WWP1: variants seen among roughly 807,000 people sequenced by gnomAD.
WWP1 encodes NEDD4-like E3 ubiquitin-protein ligase WWP1.
In WWP1, 49 loss-of-function variants were observed where a neutral mutation model predicts 130.6. The ratio of observed to expected loss-of-function variants is 0.38; its 90% CI spans 0.30 to 0.48. The LOEUF (loss-of-function observed/expected upper bound fraction) is 0.48, where lower values mean the gene tolerates loss of function less well. Among genes scored for constraint, WWP1 ranks in the 20% least tolerant of loss-of-function variants. The pLI is 0.99. For synonymous variants in WWP1, 332 were observed against 367.8 expected, an observed-to-expected ratio of 0.90 and a Z score of 1.11; for missense variants, 809 against 1,100.6, an observed-to-expected ratio of 0.74 and a Z score of 3.75.
At chr8:86,346,124 G>T (rs909949972) in intron 1 of WWP1, among the ~76,000 whole-genome samples, 1 of 152,196 alleles carries the variant, frequency 6.6e-6, no homozygotes, top group Non-Finnish European at 1.5e-5. Flanking sequence ...TTTCATCAGA[G>T]TATCTACTCT....
At chr8:86,456,397 T>G (rs939713976) in intron 21 of WWP1, among the ~76,000 whole-genome samples, 3 of 151,864 alleles carry the variant, frequency 2.0e-5, no homozygotes, top group African/African-American at 7.2e-5. Flanking sequence ...CTCACGTAAC[T>G]CAATAAAAAG....
chr8:86,347,578 A>T (rs565237426), intron 1 of WWP1, among the ~76,000 whole-genome samples: 1 of 152,224 alleles, frequency 6.6e-6, no homozygotes, highest in Admixed American at 6.5e-5. Context: ...TAAAATGGTA[A>T]TCTCACTGCA....
At chr8:86,454,418 C>A (rs1466426874) in intron 21 of WWP1, among the ~76,000 whole-genome samples, 1 of 151,928 alleles carries the variant, frequency 6.6e-6, no homozygotes, top group Non-Finnish European at 1.5e-5. Flanking sequence ...GGACTCTGAA[C>A]CTGACTGACA....
Position 86,342,941 on chromosome 8 carries a change from C to T in WWP1, c.-115+11C>T. On this transcript the variant is annotated intron_variant, in intron 1 of 24. Transcript: ENST00000517970. ...ACAGCTTCGCGCCGGGTAAGGACGG[C>T]GCGGCGCGGGGCTGGGGGTGCGAAT... 1 of 187,302 alleles carries T rather than the reference C, an allele frequency of 5.3e-6. No individual in the cohort carries two copies. Among genetic ancestry groups the T allele is most frequent in the Non-Finnish European group, 1.1e-5 (1 of 95,042 alleles). The allele number at this position is 187,302 out of a possible 1,614,324, so 11.6% of individuals were successfully genotyped here.
At chr8:86,373,881 G>A in intron 2 of WWP1, 149 bp from the exon 3 acceptor site, 1 of 538,318 alleles carries the variant, frequency 1.9e-6, no homozygotes, top group Non-Finnish European at 3.2e-6. Context: ...ACTAACTTTA[G>A]GGTTTTCTTT....
chr8:86,398,662 G>C, intron 7 of WWP1, 24 bp downstream of exon 7: 1 of 1,607,730 alleles, frequency 6.2e-7, no homozygotes, highest in Non-Finnish European at 8.5e-7. Flanking sequence ...TTTGAATATG[G>C]GTGGCGACAT....
Position 86,424,782 on chromosome 8 carries a change from G to A in WWP1, c.1062-441G>A, listed in dbSNP as rs1340129810. 1.3e-4 allele frequency among the ~76,000 whole-genome samples: 19 copies of A among 146,292 alleles called. 1 individual carries two copies. The highest frequency in any genetic ancestry group is 3.8e-4 in the African/African-American group (15 of 39,766). ...ACAGTCCAGCTTCGGCTTGGCATCA[G>A]AGGGAGAGCGTGGAAAGAGAGGGAG... On this transcript the variant is annotated intron_variant, in intron 9 of 24. Transcript: ENST00000517970.
At position 86,402,211 on chromosome 8, in the gene WWP1, A is replaced by C; in HGVS notation, c.724+8A>C. 6.2e-7 allele frequency: 1 copy of C among 1,612,288 alleles called. No homozygotes were observed. Among genetic ancestry groups the C allele is most frequent in the Non-Finnish European group, 8.5e-7 (1 of 1,179,188 alleles). ...AGCCTGCCGATGACACTGGTAAGCAAGGCTATTTATGACACCTTGTTTAAA... is the reference window on the plus strand; with the variant it reads ...AGCCTGCCGATGACACTGGTAAGCACGGCTATTTATGACACCTTGTTTAAA... On this transcript the variant is annotated splice_region_variant and intron_variant, in intron 8 of 24. Transcript: ENST00000517970.
At chr8:86,423,273 G>T (rs1033888344) in intron 9 of WWP1, among the ~76,000 whole-genome samples, 2 of 151,792 alleles carry the variant, frequency 1.3e-5, no homozygotes, top group Non-Finnish European at 2.9e-5. Flanking sequence ...TTCTCCCAGA[G>T]GGGGATTTGG....
chr8:86,348,279 C>T (rs779170875), intron 1 of WWP1, among the ~76,000 whole-genome samples: 6 of 151,628 alleles, frequency 4.0e-5, no homozygotes, highest in East Asian at 3.9e-4. Flanking sequence ...AGTGCAATGG[C>T]GCAATCTTGG....
chr8:86,389,303 G>C (rs60371751), intron 5 of WWP1, among the ~76,000 whole-genome samples: 3 of 152,016 alleles, frequency 2.0e-5, no homozygotes, highest in Non-Finnish European at 2.9e-5. Flanking sequence ...AGGACCCTGC[G>C]GCCTTCCGCA....
At chr8:86,343,436 C>G (rs1393716433) in intron 1 of WWP1, 3 of 151,210 alleles carry the variant, frequency 2.0e-5, no homozygotes, top group Non-Finnish European at 4.4e-5. Context: ...CCCCGCCCCC[C>G]CAGCGCAACC....
chr8:86,345,726 AAAACAG>A (rs1229227944), intron 1 of WWP1, among the ~76,000 whole-genome samples: 1 of 152,110 alleles, frequency 6.6e-6, no homozygotes, highest in Non-Finnish European at 1.5e-5. Context: ...GGAGCTTTTT[AAAACAG>A]TAGAACCTTC....
At chr8:86,418,179 A>G (rs1808994766) in intron 9 of WWP1, among the ~76,000 whole-genome samples, 1 of 152,206 alleles carries the variant, frequency 6.6e-6, no homozygotes, top group Non-Finnish European at 1.5e-5. Flanking sequence ...TTTAATCGAC[A>G]AATATTTATT....
At chr8:86,459,010 CTTTT>C (rs1306839545) in intron 22 of WWP1, among the ~76,000 whole-genome samples, 1 of 132,944 alleles carries the variant, frequency 7.5e-6, no homozygotes, top group South Asian at 2.5e-4. Context: ...CATTCTTTTT[CTTTT>C]TCTTTTTTCT....
At chr8:86,388,541 A>G (rs1411936591) in intron 5 of WWP1, among the ~76,000 whole-genome samples, 1 of 152,124 alleles carries the variant, frequency 6.6e-6, no homozygotes, top group African/African-American at 2.4e-5. Flanking sequence ...ACTTTTTGAT[A>G]TAATCTAATC....
intron 1 of WWP1, among the ~76,000 whole-genome samples, chr8:86,363,247 T>C (rs2130226551): frequency 6.6e-6 from 1 of 152,250 alleles, no homozygotes; most frequent in Non-Finnish European, 1.5e-5. Context: ...CAGGTTACTT[T>C]TTTGTAAGGA....
intron 7 of WWP1, among the ~76,000 whole-genome samples, chr8:86,399,156 T>C (rs1259432654): frequency 6.6e-6 from 1 of 152,244 alleles, no homozygotes; most frequent in Non-Finnish European, 1.5e-5. Flanking sequence ...GAAAATGGCT[T>C]TTTAAAATCT....
At chr8:86,345,423 G>A (rs531130335) in intron 1 of WWP1, among the ~76,000 whole-genome samples, 66 of 151,802 alleles carry the variant, frequency 4.3e-4, no homozygotes, top group African/African-American at 1.5e-3. Flanking sequence ...TTTTATTTTC[G>A]AGGCAGGATT....
Sources: gnomAD v4.1 joint callset for allele counts (sites outside exome capture counted in the v4.1 genomes callset) on GRCh38, gnomAD v4.1.1 for gene constraint, MANE v1.5 for transcripts, NCBI Gene and HGNC (gene_info 2026-07-23, HGNC 2026-07-21) for gene names.